Variants in DST observed in about 807,000 individuals in gnomAD.
DST encodes the protein dystonin.
DST carries 253 observed loss-of-function variants against 875.2 expected under a neutral mutation model. The observed-to-expected ratio is 0.29, with a 90% CI of 0.26 to 0.32. The LOEUF is 0.32. DST is among the 10% of genes least tolerant of loss of function. DST has a pLI of 1.00. For synonymous variants in DST, 3,124 were observed against 3,197.1 expected, an observed-to-expected ratio of 0.98 and a Z score of 0.77; for missense variants, 8,287 against 9,111.6, an observed-to-expected ratio of 0.91 and a Z score of 3.68.
chr6:56,940,564 T>C (rs1050462336), intron 2 of DST, among the ~76,000 whole-genome samples: 3 of 151,648 alleles, frequency 2.0e-5, no homozygotes, highest in Non-Finnish European at 4.4e-5. Context: ...GTATATTCTC[T>C]TATCCTTTTT....
intron 2 of DST, among the ~76,000 whole-genome samples, chr6:56,901,762 T>C (rs1794241847): frequency 6.6e-6 from 1 of 152,082 alleles, no homozygotes; most frequent in Non-Finnish European, 1.5e-5. Context: ...TAGAGCAAGA[T>C]GAGTATAAGG....
intron 2 of DST, among the ~76,000 whole-genome samples, chr6:56,910,562 G>A (rs141110885): frequency 0.016 from 2,381 of 152,170 alleles, 29 homozygotes; most frequent in African/African-American, 0.03. Flanking sequence ...TCAGCTCACT[G>A]CAACCTCCAC....
At chr6:56,880,837 C>CTTTTTTTTT in intron 3 of DST, among the ~76,000 whole-genome samples, 1 of 58,064 alleles carries the variant, frequency 1.7e-5, no homozygotes, top group Non-Finnish European at 2.8e-5. Context: ...TACTGTCTTT[C>CTTTTTTTTT]TTTTTTTTTT....
chr6:56,759,950 T>C (rs1255762357), intron 4 of DST, among the ~76,000 whole-genome samples: 1 of 152,242 alleles, frequency 6.6e-6, no homozygotes, highest in East Asian at 1.9e-4. Context: ...CCATAGAGTA[T>C]GCACTGCATA....
intron 4 of DST, chr6:56,742,168 G>A (rs556581139): frequency 1.9e-5 from 13 of 681,054 alleles, no homozygotes; most frequent in South Asian, 1.2e-4. Context: ...AAAGATGCCC[G>A]ACAATCAGCT....
At chr6:56,803,676 A>G (rs141630708) in intron 4 of DST, among the ~76,000 whole-genome samples, 11 of 152,254 alleles carry the variant, frequency 7.2e-5, no homozygotes, top group South Asian at 2.1e-4. Context: ...AACAAAGTCA[A>G]CTCCCATCCT....
chr6:56,650,195 T>C (rs1196006657), intron 12 of DST, among the ~76,000 whole-genome samples: 6 of 151,726 alleles, frequency 4.0e-5, no homozygotes, highest in Non-Finnish European at 8.8e-5. Context: ...CAAAGTAATG[T>C]AGGGGAAAAA....
intron 9 of DST, among the ~76,000 whole-genome samples, chr6:56,680,886 T>C (rs1442820463): frequency 6.6e-6 from 1 of 152,212 alleles, no homozygotes; most frequent in Non-Finnish European, 1.5e-5. Context: ...TAACCATGTA[T>C]TGACCACTTA....
intron 4 of DST, among the ~76,000 whole-genome samples, chr6:56,748,442 C>G (rs990294919): frequency 1.3e-5 from 2 of 152,156 alleles, no homozygotes; most frequent in African/African-American, 4.8e-5. Flanking sequence ...ATCTATAAAA[C>G]AGAATCATAG....
chr6:56,861,169 A>G (rs1770972444), intron 3 of DST, among the ~76,000 whole-genome samples: 1 of 152,222 alleles, frequency 6.6e-6, no homozygotes, highest in Admixed American at 6.5e-5. Flanking sequence ...TACAAACAGT[A>G]GACACTTAAG....
chr6:56,626,121 T>G (rs2152749661), intron 34 of DST, among the ~76,000 whole-genome samples: 1 of 152,108 alleles, frequency 6.6e-6, no homozygotes, highest in South Asian at 2.1e-4. Context: ...GTTAAAAAAA[T>G]TACAAGTTTA....
chr6:56,847,841 T>A (rs2099808855), intron 4 of DST, among the ~76,000 whole-genome samples: 1 of 152,236 alleles, frequency 6.6e-6, no homozygotes, highest in Admixed American at 6.5e-5. Context: ...CACATCCATT[T>A]ATCATATTAG....
Position 56,614,493 on chromosome 6 carries a change from T to C in DST, c.4930-9A>G, listed in dbSNP as rs2098592713. 4 of 1,593,222 alleles carry C rather than the reference T, an allele frequency of 2.5e-6. No individual in the cohort carries two copies. Among genetic ancestry groups the C allele is most frequent in the Non-Finnish European group, 3.4e-6 (4 of 1,171,038 alleles). On this transcript the variant is annotated splice_polypyrimidine_tract_variant and intron_variant, in intron 36 of 103. Coordinates refer to ENST00000680361, the MANE Select transcript of DST (RefSeq NM_001374736.1). ...TCTTCTTCCAGTGACTTCTGACAGT[T>C]GTGAGCGGTAAGAAAAATATACACT...
chr6:56,843,567 T>TCGGGC (rs1328143785), intron 4 of DST: 4 of 983,494 alleles, frequency 4.1e-6, no homozygotes, highest in Non-Finnish European at 4.8e-6. Context: ...GGCGCGTGCT[T>TCGGGC]CGGGCCGGGC....
Position 56,608,173 on chromosome 6 carries a change from T to A in DST, c.6455A>T (p.Asp2152Val). Residue 2152 changes from aspartate (D) to valine (V), a missense_variant, in exon 40 of 104, where the codon GAT becomes GTT. Asp to Val is a radical substitution (Grantham distance 152). Transcript: ENST00000680361. ...TLPDKMPDLG[D>V]LEACKNARRW... ...TCTGGCATTTTTACAAGCTTCTAAATCTCCTAAATCTGGCATTTTATCAGG... is the reference window on the plus strand; with the variant it reads ...TCTGGCATTTTTACAAGCTTCTAAAACTCCTAAATCTGGCATTTTATCAGG... The A allele has an allele frequency of 6.2e-7, 1 of 1,613,718 alleles. No homozygotes were observed. Among genetic ancestry groups the A allele is most frequent in the Non-Finnish European group, 8.5e-7 (1 of 1,179,730 alleles).
Position 56,739,128 on chromosome 6 carries a change from A to G in DST, c.626-3839T>C, listed in dbSNP as rs530200476. ...ACATACTAGATGCCACAAAGCCTCT[A>G]TGCTGCAATGCCTCTATGCGCTCAA... is the stretch of plus-strand genomic sequence containing the variant. On this transcript the variant is annotated intron_variant, in intron 4 of 103. Coordinates refer to ENST00000680361, the MANE Select transcript of DST (RefSeq NM_001374736.1). Among the ~76,000 whole-genome samples, 34 of 148,882 alleles carry G rather than the reference A, an allele frequency of 2.3e-4. No individual in the cohort carries two copies. In the South Asian group the frequency reaches 5.6e-3, roughly 24 times the overall value.
At chr6:56,944,307 T>C (rs1408832169) in intron 2 of DST, among the ~76,000 whole-genome samples, 2 of 151,996 alleles carry the variant, frequency 1.3e-5, no homozygotes, top group East Asian at 3.9e-4. Context: ...TGTCAGATTC[T>C]AAACTAAGAA....
chr6:56,878,463 A>C (rs1268090288), intron 3 of DST, among the ~76,000 whole-genome samples: 1 of 152,194 alleles, frequency 6.6e-6, no homozygotes, highest in African/African-American at 2.4e-5. Flanking sequence ...TCATGGACCC[A>C]GGGACAGAGG....
At chr6:56,658,039 T>G (rs982276745) in intron 10 of DST, among the ~76,000 whole-genome samples, 2 of 151,854 alleles carry the variant, frequency 1.3e-5, no homozygotes, top group African/African-American at 4.8e-5. Context: ...CTGCTGGTAT[T>G]ATAGGCATGA....
Sources: gnomAD v4.1 joint callset for allele counts (sites outside exome capture counted in the v4.1 genomes callset) on GRCh38, gnomAD v4.1.1 for gene constraint, MANE v1.5 for transcripts, NCBI Gene and HGNC (gene_info 2026-07-23, HGNC 2026-07-21) for gene names.